Variants in RERE observed in about 807,000 individuals in gnomAD.
RERE encodes arginine-glutamic acid dipeptide repeats, also known as arginine-glutamic acid dipeptide repeats protein.
In RERE, 40 loss-of-function variants were observed where a neutral mutation model predicts 146.1. The ratio of observed to expected loss-of-function variants is 0.27; its 90% CI spans 0.21 to 0.36. The LOEUF is 0.36. Ranked by LOEUF, RERE falls within the 10% of genes least tolerant of loss-of-function variation. The pLI is 1.00. For synonymous variants in RERE, 1,003 were observed against 866.0 expected (o/e 1.16, Z -2.78); for missense variants, 1,933 against 2,138.7 (o/e 0.90, Z 1.90).
chr1:8,447,744 G>A (rs1189091450), intron 11 of RERE, among the ~76,000 whole-genome samples: 1 of 152,190 alleles, frequency 6.6e-6, no homozygotes. Context: ...GTGCTGTGTT[G>A]ACCGTGTATG....
chr1:8,774,869 A>C (rs1286813303), intron 1 of RERE, among the ~76,000 whole-genome samples: 1 of 148,602 alleles, frequency 6.7e-6, no homozygotes, highest in East Asian at 2.0e-4. Context: ...CCTTAAAATT[A>C]TTTCATTATT....
intron 4 of RERE, among the ~76,000 whole-genome samples, chr1:8,590,450 C>T (rs1214957063): frequency 1.3e-5 from 2 of 151,942 alleles, no homozygotes; most frequent in South Asian, 2.1e-4. Context: ...GGCTTAAATT[C>T]CATTTGGGGA....
chr1:8,361,255 G>A lies in RERE; in HGVS notation c.2252C>T (p.Pro751Leu). 1 of 1,570,404 alleles carries A rather than the reference G, an allele frequency of 6.4e-7. No individual in the cohort carries two copies. Among genetic ancestry groups the A allele is most frequent in the South Asian group, 1.2e-5 (1 of 84,104 alleles). The change falls in exon 18 of 23, where the codon CCC (proline) becomes CTC (leucine). Residue 751 changes from proline (P) to leucine (L), a missense_variant. Physicochemically the swap from Pro to Leu is moderately conservative, Grantham distance 98 (BLOSUM62 -3). Around this residue, in one of 11 missense-constraint regions of RERE, gnomAD observed 1,255 missense variants for 1,153.8 expected, o/e 1.09. Coordinates refer to ENST00000400908, the MANE Select transcript of RERE (RefSeq NM_001042681.2). ...AGGGGTCCCTGGAGGAGCTGAGGAG[G>A]GAGCTGGGGTGACCCCAGTGGGAGC... is the stretch of plus-strand genomic sequence containing the variant. ...LQAPTGVTPA[P>L]SSAPPGTPQL...
chr1:8,638,386 G>C (rs1438314417), intron 2 of RERE, among the ~76,000 whole-genome samples: 2 of 152,170 alleles, frequency 1.3e-5, no homozygotes, highest in Non-Finnish European at 2.9e-5. Flanking sequence ...AGTGAATGCT[G>C]AATGTCATTT....
chr1:8,518,990 T>A (rs536857762), intron 7 of RERE, among the ~76,000 whole-genome samples: 31 of 152,230 alleles, frequency 2.0e-4, no homozygotes, highest in Admixed American at 6.5e-4. Context: ...CCTATTAGGA[T>A]CTCCCATGAC....
chr1:8,752,558 T>C (rs186963810), intron 1 of RERE, among the ~76,000 whole-genome samples: 3 of 152,324 alleles, frequency 2.0e-5, no homozygotes, highest in South Asian at 2.1e-4. Context: ...TTGAGGGACA[T>C]ATTTTAAAAG....
intron 4 of RERE, among the ~76,000 whole-genome samples, chr1:8,613,359 G>A (rs1646814043): frequency 6.6e-6 from 1 of 152,072 alleles, no homozygotes; most frequent in South Asian, 2.1e-4. Context: ...GACGTCCTGC[G>A]GGTCATCTTC....
intron 7 of RERE, among the ~76,000 whole-genome samples, chr1:8,514,558 CA>C (rs1351025711): frequency 6.6e-6 from 1 of 152,052 alleles, no homozygotes; most frequent in African/African-American, 2.4e-5. Context: ...GGTGAAACCC[CA>C]TCCCTACTAA....
At chr1:8,484,944 A>C (rs1184629417) in intron 10 of RERE, among the ~76,000 whole-genome samples, 1 of 152,218 alleles carries the variant, frequency 6.6e-6, no homozygotes. Flanking sequence ...TAAATGAACA[A>C]ACAAAGAACA....
chr1:8,381,308 C>A (rs965663877), intron 12 of RERE, among the ~76,000 whole-genome samples: 1 of 152,154 alleles, frequency 6.6e-6, no homozygotes, highest in Non-Finnish European at 1.5e-5. Context: ...CCACTCTAAA[C>A]CTTGTAACCT....
At chr1:8,551,445 G>A (rs1159551725) in intron 6 of RERE, among the ~76,000 whole-genome samples, 7 of 152,140 alleles carry the variant, frequency 4.6e-5, no homozygotes, top group Non-Finnish European at 8.8e-5. Flanking sequence ...AGCTCCCTAA[G>A]CTGAACTCTT....
chr1:8,397,391 T>TACGACTCTGAGGGAGGTTCTATTTGTG (rs1643092615), intron 12 of RERE, among the ~76,000 whole-genome samples: 1 of 152,174 alleles, frequency 6.6e-6, no homozygotes, highest in African/African-American at 2.4e-5. Flanking sequence ...TGCCCCCATT[T>TACGACTCTGAGGGAGGTTCTATTTGTG]CATTACTGAG....
chr1:8,572,006 T>C (rs929926292), intron 4 of RERE, among the ~76,000 whole-genome samples: 1 of 152,224 alleles, frequency 6.6e-6, no homozygotes, highest in African/African-American at 2.4e-5. Context: ...AACAACAACA[T>C]ACGGAAATGT....
chr1:8,696,557 T>C (rs116315764), intron 1 of RERE, among the ~76,000 whole-genome samples: 2,448 of 149,476 alleles, frequency 0.016, 63 homozygotes, highest in African/African-American at 0.058. Context: ...GAGGTTGCAA[T>C]GAGCTGAGAT....
At chr1:8,541,146 C>A (rs1330912434) in intron 7 of RERE, 68 bp downstream of exon 7, 1 of 809,726 alleles carries the variant, frequency 1.2e-6, no homozygotes, top group African/African-American at 1.7e-5. Context: ...CACACACACA[C>A]ATACACACAC....
At chr1:8,786,256 C>A in intron 1 of RERE, 1 of 990,780 alleles carries the variant, frequency 1.0e-6, no homozygotes, top group South Asian at 1.3e-5. Flanking sequence ...GCATCTCCAC[C>A]TTCTACAAAA....
At chr1:8,403,463 T>A (rs1439774701) in intron 12 of RERE, among the ~76,000 whole-genome samples, 2 of 149,594 alleles carry the variant, frequency 1.3e-5, no homozygotes, top group African/African-American at 4.9e-5. Context: ...CTTCTCGGGT[T>A]CAAGTGATTC....
chr1:8,429,219 C>G (rs1644060508), intron 11 of RERE, among the ~76,000 whole-genome samples: 1 of 152,132 alleles, frequency 6.6e-6, no homozygotes, highest in Non-Finnish European at 1.5e-5. Flanking sequence ...GGAAAAGTAA[C>G]CATGTATCAC....
At chr1:8,592,325 G>A (rs6687245) in intron 4 of RERE, among the ~76,000 whole-genome samples, 149,397 of 152,160 alleles carry the variant, frequency 0.98, 73,357 homozygotes, top group East Asian at 1. Flanking sequence ...GATGGAGTGC[G>A]ATGCTGTAAT....
Sources: gnomAD v4.1 joint callset for allele counts (sites outside exome capture counted in the v4.1 genomes callset) on GRCh38, gnomAD v4.1.1 for gene constraint, gnomAD v4.1.1 regional missense constraint, MANE v1.5 for transcripts, NCBI Gene and HGNC (gene_info 2026-07-23, HGNC 2026-07-21) for gene names.